CASP10: variants seen among roughly 807,000 people sequenced by gnomAD.
CASP10 encodes the protein caspase 10, also known as caspase-10.
Under a neutral mutation model 48.5 loss-of-function variants are expected in CASP10, and 41 were observed. The observed-to-expected ratio is 0.85, with a 90% CI of 0.66 to 1.10. The LOEUF (loss-of-function observed/expected upper bound fraction) is 1.10, where lower values mean the gene tolerates loss of function less well. CASP10 is among the 50% of genes least tolerant of loss of function. CASP10 has a pLI of 0.00. For missense variants in CASP10, 614 were observed against 614.5 expected, an observed-to-expected ratio of 1.00 and a Z score of 0.01; for synonymous variants, 232 against 238.4, an observed-to-expected ratio of 0.97 and a Z score of 0.25.
Position 201,217,865 on chromosome 2 carries a change from C to A in CASP10, c.*124C>A. Reference sequence around the variant, plus strand: ...CTAGAAACAGGAAACACCGTGTTTTCTGACACAGTCAATTCTGATTTTCTT... The same window carrying A: ...CTAGAAACAGGAAACACCGTGTTTTATGACACAGTCAATTCTGATTTTCTT... On this transcript the variant is annotated 3_prime_UTR_variant, in exon 10 of 10. Coordinates refer to ENST00000286186, the MANE Select transcript of CASP10 (RefSeq NM_032977.4). The A allele has an allele frequency of 3.1e-6, 5 of 1,596,128 alleles. No individual in the cohort carries two copies. The South Asian group carries it at 5.7e-5, about 18-fold the overall frequency.
chr2:201,200,430 C>G (rs762034262), intron 5 of CASP10: 4 of 1,597,548 alleles, frequency 2.5e-6, no homozygotes, highest in Non-Finnish European at 3.4e-6. Flanking sequence ...GAAGGACCCT[C>G]CTTTCTCCCC....
intron 9 of CASP10, among the ~76,000 whole-genome samples, chr2:201,227,488 C>A (rs1384231333): frequency 6.6e-6 from 1 of 152,132 alleles, no homozygotes; most frequent in Non-Finnish European, 1.5e-5. Context: ...AAGCAAGCTG[C>A]AGATGGGAAA....
chr2:201,190,015 T>C (rs1031526977), intron 3 of CASP10, among the ~76,000 whole-genome samples: 10 of 152,050 alleles, frequency 6.6e-5, no homozygotes, highest in African/African-American at 2.2e-4. Context: ...AATAGTTCAA[T>C]TGTCCCATTT....
In CASP10 at chr2:201,194,087, TTGTGTGTGTGTG is replaced by T. The variant is rs139975621; in HGVS notation, c.577+992_577+1003del. Reference sequence around the variant, plus strand: ...ACTATCAAAAAAGAACTTTATTTTCTTGTGTGTGTGTGTGTGTGTGTGTGTGTGTGTGTGTTT... The same window carrying T: ...ACTATCAAAAAAGAACTTTATTTTCTTGTGTGTGTGTGTGTGTGTGTGTTT... On this transcript the variant is annotated intron_variant, in intron 4 of 9. Coordinates refer to ENST00000286186, the MANE Select transcript of CASP10 (RefSeq NM_032977.4). Among the ~76,000 whole-genome samples the T allele has an allele frequency of 3.1e-3, 461 of 148,466 alleles. 2 individuals carry two copies. The highest frequency in any genetic ancestry group is 0.011 in the African/African-American group (425 of 40,314).
chr2:201,229,177 C>T, exon 10 of CASP10: 1 of 1,500,774 alleles, frequency 6.7e-7, no homozygotes, highest in Non-Finnish European at 9.3e-7. Context: ...CTTTACAGCA[C>T]CACCTTGCGA....
chr2:201,220,106 C>T lies in CASP10; in HGVS notation c.*2365C>T. 4.1e-6 allele frequency: 4 copies of T among 985,322 alleles called. No individual in the cohort carries two copies. Among genetic ancestry groups the T allele is most frequent in the Middle Eastern group, 1.0e-3 (2 of 1,914 alleles). 61.0% of individuals were successfully genotyped at this position (985,322 alleles called of 1,614,324 possible). A position where few individuals can be genotyped will look rare whatever the true frequency, so the allele number is the denominator to read the frequency against. Reference sequence around the variant, plus strand: ...ATTCACAAGAACACTGTTCTGATATCTCTGATTGTCATGTGGATTTGAATG... The same window carrying T: ...ATTCACAAGAACACTGTTCTGATATTTCTGATTGTCATGTGGATTTGAATG... On this transcript the variant is annotated 3_prime_UTR_variant, in exon 10 of 10. Coordinates refer to ENST00000286186, the MANE Select transcript of CASP10 (RefSeq NM_032977.4).
At chr2:201,203,644 C>G in intron 5 of CASP10, 86 bp from the exon 6 acceptor site, 1 of 1,169,270 alleles carries the variant, frequency 8.6e-7, no homozygotes, top group Non-Finnish European at 1.3e-6. Context: ...AGATATCTGT[C>G]CTTCCCTGCA....
rs766573415 is a variant in CASP10, at chr2:201,209,471, A to G, written c.1324A>G (p.Thr442Ala). 2 of 1,614,050 alleles carry G rather than the reference A, an allele frequency of 1.2e-6. No individual in the cohort carries two copies. Among genetic ancestry groups the G allele is most frequent in the Non-Finnish European group, 1.7e-6 (2 of 1,179,900 alleles). Residue 442 changes from threonine (T) to alanine (A), a missense_variant, in exon 9 of 10, where the codon ACT (threonine) becomes GCT (alanine). Coordinates refer to ENST00000286186, the MANE Select transcript of CASP10 (RefSeq NM_032977.4). ...GGCTGACTTCCTACTTGGTCTGGCC[A>G]CTGTCCCAGGCTATGTATCCTTTCG... Reference protein sequence around the residue: ...AEADFLLGLATVPGYVSFRHV... With the variant: ...AEADFLLGLAAVPGYVSFRHV...
In CASP10 at chr2:201,220,799, G is replaced by A. The variant is rs994294045; in HGVS notation, c.*3058G>A. ...ATAACAGTCAGGGCCAAAAGCTAGT[G>A]GTCACAGTCCTTGTCCAGTTGGCAG... On this transcript the variant is annotated 3_prime_UTR_variant, in exon 10 of 10. Transcript: ENST00000286186. The A allele has an allele frequency of 1.0e-6, 1 of 985,374 alleles. No homozygotes were observed. The highest frequency in any genetic ancestry group is 1.2e-6 in the Non-Finnish European group (1 of 829,948). 61.0% of individuals were successfully genotyped at this position (985,374 alleles called of 1,614,324 possible).
At chr2:201,203,844 T>A in intron 6 of CASP10, 78 bp downstream of exon 6, 1 of 1,110,664 alleles carries the variant, frequency 9.0e-7, no homozygotes, top group Non-Finnish European at 1.4e-6. Context: ...ACCAAGGAAT[T>A]CAAGGTGACT....
rs747384968 is a variant in CASP10 at position 201,209,426 on chromosome 2, C to T, written c.1279C>T (p.Gln427Ter). The change falls in exon 9 of 10, where the codon CAG (glutamine) becomes TAG (stop). Residue 427 changes from glutamine to a stop codon, truncating the protein, a stop_gained. Transcript: ENST00000286186. LOFTEE classifies it high-confidence loss of function. ...LNPEQAPTSL[Q>*]DSIPAEADFL... ...CCCTGAGCAGGCACCCACTTCCCTG[C>T]AGGACAGTATTCCTGCCGAGGCTGA... The T allele has an allele frequency of 6.2e-7, 1 of 1,614,186 alleles. No individual in the cohort carries two copies. Among genetic ancestry groups the T allele is most frequent in the Non-Finnish European group, 8.5e-7 (1 of 1,180,028 alleles).
rs372719084 is a variant in CASP10, at chr2:201,209,264, C to T, written c.1117C>T (p.Pro373Ser). 10 of 1,614,054 alleles carry T rather than the reference C, an allele frequency of 6.2e-6. No homozygotes were observed. The East Asian group carries it at 2.0e-4, about 32-fold the overall frequency. The change falls in exon 9 of 10, where the codon CCC becomes TCC. Residue 373 changes from proline (P) to serine (S), a missense_variant. Pro to Ser is a moderately conservative substitution (Grantham distance 74, BLOSUM62 -1). Transcript: ENST00000286186. ...CTACTCTTCGGATGAGGCCCTCATTCCCATTCGGGAGATCATGTCTCACTT... is the reference window on the plus strand; with the variant it reads ...CTACTCTTCGGATGAGGCCCTCATTTCCATTCGGGAGATCATGTCTCACTT... ...AVYSSDEALI[P>S]IREIMSHFTA... is the part of the protein sequence containing the mutation.
chr2:201,187,419 G>GT (rs1166900651), intron 2 of CASP10, among the ~76,000 whole-genome samples: 2 of 151,636 alleles, frequency 1.3e-5, no homozygotes, highest in Non-Finnish European at 2.9e-5. Context: ...TCAGAATTGT[G>GT]TTTTATGCCT....
At chr2:201,192,874 A>G (rs536517352) in intron 3 of CASP10, 110 bp from the exon 4 acceptor site, 134 of 1,105,170 alleles carry the variant, frequency 1.2e-4, no homozygotes, top group Non-Finnish European at 1.8e-4. Flanking sequence ...AGATGCTGTT[A>G]TATCTTATTT....
Position 201,218,049 on chromosome 2 carries a change from G to A in CASP10, c.*308G>A. The A allele has an allele frequency of 5.4e-6, 4 of 746,342 alleles. No individual in the cohort carries two copies. The highest frequency in any genetic ancestry group is 7.5e-6 in the Non-Finnish European group (4 of 534,086). 46.2% of individuals were successfully genotyped at this position (746,342 alleles called of 1,614,324 possible). A position where few individuals can be genotyped will look rare whatever the true frequency, so the allele number is the denominator to read the frequency against. On this transcript the variant is annotated 3_prime_UTR_variant, in exon 10 of 10. Coordinates refer to ENST00000286186, the MANE Select transcript of CASP10 (RefSeq NM_032977.4). ...CCGCCTCAGCTTCCCAAGTAGCTGG[G>A]ACCACAGGTGTGTACCACCGTGCCC...
At chr2:201,205,281 G>A (rs1945163480) in intron 6 of CASP10, among the ~76,000 whole-genome samples, 1 of 149,682 alleles carries the variant, frequency 6.7e-6, no homozygotes, top group South Asian at 2.1e-4. Context: ...CTGGAGTGCA[G>A]TGGTGTAATC....
At chr2:201,228,378 C>T (rs1387434074) in intron 9 of CASP10, among the ~76,000 whole-genome samples, 1 of 152,116 alleles carries the variant, frequency 6.6e-6, no homozygotes, top group Non-Finnish European at 1.5e-5. Flanking sequence ...AGGATCCTTC[C>T]ACTAGGGCAG....
Position 201,221,058 on chromosome 2 carries a change from G to A in CASP10, c.*3317G>A. The A allele has an allele frequency of 1.0e-6, 1 of 985,410 alleles. No individual in the cohort carries two copies. The highest frequency in any genetic ancestry group is 1.2e-6 in the Non-Finnish European group (1 of 829,928). 61.0% of individuals were successfully genotyped at this position (985,410 alleles called of 1,614,324 possible). A position where few individuals can be genotyped will look rare whatever the true frequency, so the allele number is the denominator to read the frequency against. On this transcript the variant is annotated 3_prime_UTR_variant, in exon 10 of 10. Coordinates refer to ENST00000286186, the MANE Select transcript of CASP10 (RefSeq NM_032977.4). Reference sequence around the variant, plus strand: ...TCTATTTAAATCTAACTGTGCTGAGGTGCATATAAATGCCTTTAGGTGGTA... The same window carrying A: ...TCTATTTAAATCTAACTGTGCTGAGATGCATATAAATGCCTTTAGGTGGTA...
rs41367947 is a variant in CASP10, at chr2:201,207,476, C to T, written c.814-599C>T. Among the ~76,000 whole-genome samples, 719 of 150,858 alleles carry T rather than the reference C, an allele frequency of 4.8e-3. 3 individuals are homozygous for T. Among genetic ancestry groups the T allele is most frequent in the East Asian group, 0.015 (79 of 5,122 alleles). On this transcript the variant is annotated intron_variant, in intron 7 of 9. Coordinates refer to ENST00000286186, the MANE Select transcript of CASP10 (RefSeq NM_032977.4). ...CCTCAACCAAAAATACAAAAATTAT[C>T]GGCTGGGCGCGGTGGCTCATGCCTG...
Sources: allele counts gnomAD v4.1 joint callset (sites outside exome capture counted in the v4.1 genomes callset), GRCh38; gene constraint gnomAD v4.1.1; transcripts MANE v1.5; gene names NCBI Gene and HGNC (gene_info 2026-07-23, HGNC 2026-07-21).